The following SPG11 variants were observed in gnomAD, a reference collection of about 807,000 sequenced individuals.
SPG11 encodes the protein spatacsin.
SPG11 carries 222 observed loss-of-function variants against 274.0 expected under a neutral mutation model. The ratio of observed to expected loss-of-function variants is 0.81; its 90% confidence interval spans 0.73 to 0.91. The LOEUF (loss-of-function observed/expected upper bound fraction) is 0.91, where lower values mean the gene tolerates loss of function less well. Among genes scored for constraint, SPG11 ranks in the 40% least tolerant of loss-of-function variants. SPG11 has a pLI of 0.00. For missense variants in SPG11, 3,114 were observed against 2,872.7 expected, an observed-to-expected ratio of 1.08 and a Z score of -1.92; for synonymous variants, 1,144 against 1,039.7, an observed-to-expected ratio of 1.10 and a Z score of -1.93.
chr15:44,632,814 C>T lies in SPG11; in HGVS notation c.1735+691G>A, dbSNP rs145189755. On this transcript the variant is annotated intron_variant, in intron 8 of 39. Coordinates refer to ENST00000261866, the MANE Select transcript of SPG11 (RefSeq NM_025137.4). ...GAGCCACTGCATCCCACCAAAAATT[C>T]TTATAACAAATCCTAATCCACAACT... 2.8e-4 allele frequency among the ~76,000 whole-genome samples: 42 copies of T among 152,224 alleles called. No individual in the cohort carries two copies. In the East Asian group the frequency reaches 7.5e-3, roughly 27 times the overall value.
intron 32 of SPG11, 84 bp downstream of exon 32, chr15:44,573,463 A>G (rs906915623): frequency 1.4e-5 from 20 of 1,420,166 alleles, no homozygotes; most frequent in Middle Eastern, 3.5e-4. Context: ...TACAGGATGT[A>G]TATAAGCACA....
At chr15:44,593,131 A>T (rs1223472653) in intron 26 of SPG11, among the ~76,000 whole-genome samples, 1 of 152,138 alleles carries the variant, frequency 6.6e-6, no homozygotes, top group Non-Finnish European at 1.5e-5. Context: ...TCTACTCTAT[A>T]CTTGGCCTAT....
intron 7 of SPG11, among the ~76,000 whole-genome samples, chr15:44,641,627 AC>A (rs2084444618): frequency 6.6e-6 from 1 of 151,410 alleles, no homozygotes; most frequent in African/African-American, 2.4e-5. Flanking sequence ...ACACACACAC[AC>A]ACACAAAACC....
At chr15:44,568,200 T>G (rs919318459) in intron 35 of SPG11, among the ~76,000 whole-genome samples, 8 of 152,220 alleles carry the variant, frequency 5.3e-5, no homozygotes, top group Non-Finnish European at 8.8e-5. Context: ...TTTTTCTGTG[T>G]TGTTCTGTTT....
At position 44,651,826 on chromosome 15, in the gene SPG11, G is replaced by C. The variant is rs144403346; in HGVS notation, c.1121C>G (p.Ser374Cys). Residue 374 changes from serine to cysteine, a missense_variant, in exon 6 of 40, where the codon TCT becomes TGT. Physicochemically the swap from Ser to Cys is moderately radical, Grantham distance 112 (BLOSUM62 -1). Transcript: ENST00000261866. ...QDILHLESPESGNHSTSVQSW... is the reference protein window; with the variant it reads ...QDILHLESPECGNHSTSVQSW... ...CTGCACACTTGTACTGTGGTTACCA[G>C]ATTCAGGTGACTCCAAATGCAAAAT... 42 of 1,614,114 alleles carry C rather than the reference G, an allele frequency of 2.6e-5. No individual in the cohort carries two copies. The African/African-American group carries it at 5.3e-4, about 20-fold the overall frequency.
In SPG11 at chr15:44,663,462, G is replaced by A. The variant is rs1489610775; in HGVS notation, c.186C>T (p.Ser62=). The change falls in exon 1 of 40, where the codon AGC becomes AGT. Residue 62 remains serine (S), a synonymous_variant. Transcript: ENST00000261866. The part of the protein sequence containing the change: ...EALGSLTAAG[S]LQVLSLTPGS... ...CAGGCGTCAAAGAAAGCACTTGGAGGCTGCCCGCAGCCGTCAGGCTCCCCA... is the reference window on the plus strand; with the variant it reads ...CAGGCGTCAAAGAAAGCACTTGGAGACTGCCCGCAGCCGTCAGGCTCCCCA... 2.5e-6 allele frequency: 4 copies of A among 1,596,108 alleles called. No homozygotes were observed. The highest frequency in any genetic ancestry group is 2.6e-6 in the Non-Finnish European group (3 of 1,172,134).
At chr15:44,601,188 G>T (rs2083178061) in intron 20 of SPG11, among the ~76,000 whole-genome samples, 1 of 151,944 alleles carries the variant, frequency 6.6e-6, no homozygotes, top group Admixed American at 6.6e-5. Context: ...TCCTGGTCTT[G>T]ACACCACTAG....
At chr15:44,568,473 G>A (rs1051337862) in intron 35 of SPG11, among the ~76,000 whole-genome samples, 5 of 152,156 alleles carry the variant, frequency 3.3e-5, no homozygotes, top group Non-Finnish European at 5.9e-5. Context: ...GAAGCCAAAG[G>A]TGAAATGAGC....
At chr15:44,601,310 G>C (rs764780379) in intron 20 of SPG11, among the ~76,000 whole-genome samples, 22 of 151,800 alleles carry the variant, frequency 1.4e-4, no homozygotes, top group Admixed American at 3.3e-4. Flanking sequence ...GCCCAGACTG[G>C]AGTGCAGTGG....
chr15:44,648,481 C>A (rs1005940837), intron 7 of SPG11, among the ~76,000 whole-genome samples: 1 of 149,336 alleles, frequency 6.7e-6, no homozygotes, highest in African/African-American at 2.5e-5. Context: ...CCACTGCACT[C>A]CAGCCTGGGC....
chr15:44,633,454 T>C lies in SPG11; in HGVS notation c.1735+51A>G, dbSNP rs372794061. On this transcript the variant is annotated intron_variant, in intron 8 of 39. Coordinates refer to ENST00000261866, the MANE Select transcript of SPG11 (RefSeq NM_025137.4). ...ACACAACATCATACTTTGAAAGTTA[T>C]TAAGAAGATCAAATGATAAATACAA... 1.9e-5 allele frequency: 28 copies of C among 1,471,754 alleles called. No homozygotes were observed. In the Middle Eastern group the frequency reaches 6.4e-4, roughly 33 times the overall value. The allele number at this position is 1,471,754 out of a possible 1,614,324, so 91.2% of individuals were successfully genotyped here.
chr15:44,582,995 A>G (rs1301364928), intron 30 of SPG11, among the ~76,000 whole-genome samples: 1 of 152,216 alleles, frequency 6.6e-6, no homozygotes, highest in African/African-American at 2.4e-5. Context: ...ACCCCTATCC[A>G]ACACAGTACT....
chr15:44,658,097 G>A (rs976700825), intron 3 of SPG11, among the ~76,000 whole-genome samples: 2 of 152,218 alleles, frequency 1.3e-5, no homozygotes, highest in African/African-American at 4.8e-5. Flanking sequence ...AATTTCATAT[G>A]CTTAATAGCC....
chr15:44,612,718 T>A lies in SPG11; in HGVS notation c.3145+712A>T, dbSNP rs143305483. ...GCCAGTATTACCTTCTTGATAGTTGTCTGTGGCTTCTAATTTTTTTTTTTA... is the reference window on the plus strand; with the variant it reads ...GCCAGTATTACCTTCTTGATAGTTGACTGTGGCTTCTAATTTTTTTTTTTA... On this transcript the variant is annotated intron_variant, in intron 17 of 39. Transcript: ENST00000261866. Among the ~76,000 whole-genome samples the A allele has an allele frequency of 3.9e-3, 597 of 152,222 alleles. 2 individuals carry two copies. Among genetic ancestry groups the A allele is most frequent in the Non-Finnish European group, 5.8e-3 (394 of 68,012 alleles).
intron 16 of SPG11, 65 bp from the exon 17 acceptor site, chr15:44,613,601 T>C (rs999126799): frequency 7.4e-6 from 8 of 1,083,306 alleles, no homozygotes; most frequent in South Asian, 1.3e-5. Context: ...TACAACCATT[T>C]TGCTCAGGCG....
intron 38 of SPG11, 91 bp from the exon 39 acceptor site, chr15:44,564,789 A>G (rs1004759083): frequency 5.9e-6 from 8 of 1,357,390 alleles, no homozygotes. Flanking sequence ...CTGTATACTC[A>G]CTCATGTAGT....
intron 8 of SPG11, among the ~76,000 whole-genome samples, chr15:44,631,504 G>A (rs950766411): frequency 1.3e-5 from 2 of 152,150 alleles, no homozygotes; most frequent in East Asian, 3.8e-4. Context: ...AGTGAGCTGA[G>A]CAGAAGGGGT....
chr15:44,655,532 ATACAG>A (rs539128775), intron 4 of SPG11, among the ~76,000 whole-genome samples: 163 of 152,348 alleles, frequency 1.1e-3, no homozygotes, highest in Non-Finnish European at 2.2e-3. Flanking sequence ...TAGAGTATCA[ATACAG>A]TACAGTACTG....
In SPG11 at chr15:44,566,288, C is replaced by T; in HGVS notation, c.6772G>A (p.Gly2258Arg). Residue 2258 changes from glycine to arginine, a missense_variant, in exon 37 of 40, where the codon GGG (glycine) becomes AGG (arginine). Coordinates refer to ENST00000261866, the MANE Select transcript of SPG11 (RefSeq NM_025137.4). ...SQPWEDSLKDGHQLKQLLLKA... is the reference protein window; with the variant it reads ...SQPWEDSLKDRHQLKQLLLKA... Reference sequence around the variant, plus strand: ...AGCAGCAGTTGTTTCAGCTGGTGCCCATCCTTGAGGCTGTCCTCTGTAGGG... The same window carrying T: ...AGCAGCAGTTGTTTCAGCTGGTGCCTATCCTTGAGGCTGTCCTCTGTAGGG... The T allele has an allele frequency of 6.2e-7, 1 of 1,614,134 alleles. No individual in the cohort carries two copies. Among genetic ancestry groups the T allele is most frequent in the Non-Finnish European group, 8.5e-7 (1 of 1,180,018 alleles).
Sources: gnomAD v4.1 joint callset for allele counts (sites outside exome capture counted in the v4.1 genomes callset) on GRCh38, gnomAD v4.1.1 for gene constraint, MANE v1.5 for transcripts, NCBI Gene and HGNC (gene_info 2026-07-23, HGNC 2026-07-21) for gene names.